The following ROBO2 variants were observed in gnomAD, a reference collection of about 807,000 sequenced individuals.
The protein encoded by ROBO2 is roundabout homolog 2.
In ROBO2, 53 loss-of-function variants were observed where a neutral mutation model predicts 160.8. The observed-to-expected ratio is 0.33, with a 90% CI of 0.26 to 0.41. The LOEUF is 0.41. Among genes scored for constraint, ROBO2 ranks in the 10% least tolerant of loss-of-function variants. The pLI is 1.00. For synonymous variants in ROBO2, 664 were observed against 611.7 expected (o/e 1.09, Z -1.26); for missense variants, 1,577 against 1,722.4 (o/e 0.92, Z 1.49).
intron 2 of ROBO2, among the ~76,000 whole-genome samples, chr3:76,741,820 G>A (rs1369102665): frequency 4.6e-5 from 7 of 151,918 alleles, no homozygotes; most frequent in Non-Finnish European, 7.4e-5. Flanking sequence ...GGCTAGAATG[G>A]CATTGTGTTT....
chr3:77,537,039 T>C (rs901724327), intron 6 of ROBO2, among the ~76,000 whole-genome samples: 3 of 148,690 alleles, frequency 2.0e-5, no homozygotes, highest in African/African-American at 4.9e-5. Flanking sequence ...GCACATTATG[T>C]GTGACTCTAA....
intron 2 of ROBO2, among the ~76,000 whole-genome samples, chr3:76,554,039 C>T (rs1022266341): frequency 2.6e-5 from 4 of 152,050 alleles, no homozygotes; most frequent in African/African-American, 9.7e-5. Context: ...CGTGAACACT[C>T]GCATTTTATT....
chr3:76,631,575 A>G (rs749963688), intron 2 of ROBO2, among the ~76,000 whole-genome samples: 2 of 152,208 alleles, frequency 1.3e-5, no homozygotes, highest in Admixed American at 6.5e-5. Context: ...TTCATTGTAA[A>G]CATAAGATCG....
At chr3:76,126,112 C>G (rs76440202) in intron 2 of ROBO2, among the ~76,000 whole-genome samples, 2,399 of 152,208 alleles carry the variant, frequency 0.016, 67 homozygotes, top group African/African-American at 0.055. Flanking sequence ...CTGCACCCAG[C>G]CTGCATCAAA....
At chr3:76,893,163 T>C (rs1231032495) in intron 2 of ROBO2, among the ~76,000 whole-genome samples, 6 of 152,120 alleles carry the variant, frequency 3.9e-5, no homozygotes, top group Admixed American at 6.6e-5. Flanking sequence ...TTTGAGTTAT[T>C]TTTGCAATGT....
intron 2 of ROBO2, among the ~76,000 whole-genome samples, chr3:76,973,784 C>T (rs558562739): frequency 1.3e-3 from 200 of 152,240 alleles, no homozygotes; most frequent in South Asian, 2.5e-3. Context: ...ATGAATTAGA[C>T]ATTTTTGCCA....
intron 2 of ROBO2, among the ~76,000 whole-genome samples, chr3:76,205,187 G>A (rs1163220258): frequency 6.6e-6 from 1 of 152,146 alleles, no homozygotes; most frequent in Non-Finnish European, 1.5e-5. Context: ...AGGATTAAAT[G>A]AGACAAAGTC....
intron 2 of ROBO2, among the ~76,000 whole-genome samples, chr3:76,393,417 A>G (rs762939482): frequency 5.3e-5 from 8 of 152,214 alleles, no homozygotes; most frequent in Non-Finnish European, 8.8e-5. Flanking sequence ...ATTATGGAGC[A>G]TATGATACTA....
intron 2 of ROBO2, among the ~76,000 whole-genome samples, chr3:77,370,515 G>C (rs1029371773): frequency 6.6e-6 from 1 of 152,136 alleles, no homozygotes; most frequent in African/African-American, 2.4e-5. Flanking sequence ...CCCTGGGCTT[G>C]TGGCAGCAGG....
At chr3:76,185,618 A>C (rs924324588) in intron 2 of ROBO2, among the ~76,000 whole-genome samples, 1 of 152,066 alleles carries the variant, frequency 6.6e-6, no homozygotes, top group Non-Finnish European at 1.5e-5. Context: ...TTCTGAAAAA[A>C]CTGGAAGAAT....
chr3:76,070,845 C>A (rs2068431613), intron 2 of ROBO2, among the ~76,000 whole-genome samples: 1 of 152,120 alleles, frequency 6.6e-6, no homozygotes. Flanking sequence ...AATATCAGGG[C>A]AGATTCCCCA....
chr3:76,919,992 T>C (rs1016698898), intron 2 of ROBO2, among the ~76,000 whole-genome samples: 2 of 152,178 alleles, frequency 1.3e-5, no homozygotes, highest in Non-Finnish European at 2.9e-5. Flanking sequence ...TAGATTTTTA[T>C]CAAGGATGGC....
At chr3:77,112,446 G>A (rs754437733) in intron 2 of ROBO2, among the ~76,000 whole-genome samples, 7 of 151,938 alleles carry the variant, frequency 4.6e-5, no homozygotes, top group Non-Finnish European at 1.0e-4. Context: ...GTTTCACCAG[G>A]TTAGCCAGGC....
At chr3:76,194,764 C>G (rs144892718) in intron 2 of ROBO2, among the ~76,000 whole-genome samples, 1 of 151,988 alleles carries the variant, frequency 6.6e-6, no homozygotes, top group African/African-American at 2.4e-5. Flanking sequence ...GGACTACAGG[C>G]GCCCGCCACC....
At chr3:75,997,360 G>C (rs2065758184) in intron 2 of ROBO2, among the ~76,000 whole-genome samples, 1 of 151,976 alleles carries the variant, frequency 6.6e-6, no homozygotes, top group African/African-American at 2.4e-5. Flanking sequence ...TTACAATCTG[G>C]GAAGCTCTTA....
intron 2 of ROBO2, among the ~76,000 whole-genome samples, chr3:76,741,749 A>G (rs1327901596): frequency 1.3e-5 from 2 of 152,120 alleles, no homozygotes; most frequent in Non-Finnish European, 2.9e-5. Context: ...GTCATCAAAG[A>G]TTAAATAACT....
At chr3:76,781,204 T>C (rs1439847524) in intron 2 of ROBO2, among the ~76,000 whole-genome samples, 1 of 150,744 alleles carries the variant, frequency 6.6e-6, no homozygotes, top group Non-Finnish European at 1.5e-5. Flanking sequence ...TTCTTATTTG[T>C]TTTTTAGACA....
chr3:76,337,404 A>C (rs1421585311), intron 2 of ROBO2, among the ~76,000 whole-genome samples: 1 of 152,196 alleles, frequency 6.6e-6, no homozygotes, highest in African/African-American at 2.4e-5. Flanking sequence ...TTAAAGTGAA[A>C]AGAGTTAATA....
At chr3:76,097,671 A>G (rs2069510486) in intron 2 of ROBO2, among the ~76,000 whole-genome samples, 1 of 152,174 alleles carries the variant, frequency 6.6e-6, no homozygotes, top group Non-Finnish European at 1.5e-5. Flanking sequence ...AGATGGGGAC[A>G]TTTTAAAAAA....
Sources: gnomAD v4.1 joint callset for allele counts (sites outside exome capture counted in the v4.1 genomes callset) on GRCh38, gnomAD v4.1.1 for gene constraint, MANE v1.5 for transcripts, NCBI Gene and HGNC (gene_info 2026-07-23, HGNC 2026-07-21) for gene names.